The following FGF14 variants were observed in gnomAD, a reference collection of about 807,000 sequenced individuals.
FGF14 encodes the protein fibroblast growth factor 14, also known as fibroblast growth factor homologous factor 4.
A neutral mutation model predicts 25.5 loss-of-function variants in FGF14; 5 were observed. The observed-to-expected ratio is 0.20, with a 90% CI of 0.10 to 0.41. FGF14 has a LOEUF of 0.41. Among genes scored for constraint, FGF14 ranks in the 10% least tolerant of loss-of-function variants. The pLI is 1.00. For missense variants in FGF14, 222 were observed against 320.1 expected (o/e 0.69, Z 2.34); for synonymous variants, 138 against 118.3 (o/e 1.17, Z -1.08).
chr13:102,126,653 T>C (rs1319059398), intron 1 of FGF14, among the ~76,000 whole-genome samples: 1 of 152,224 alleles, frequency 6.6e-6, no homozygotes, highest in Non-Finnish European at 1.5e-5. Context: ...TTTTAAAACA[T>C]ATTTGCAACC....
chr13:101,853,790 C>A (rs1288670061), intron 3 of FGF14, among the ~76,000 whole-genome samples: 1 of 151,870 alleles, frequency 6.6e-6, no homozygotes, highest in Non-Finnish European at 1.5e-5. Flanking sequence ...CACATTATAG[C>A]CCTCACTACT....
At chr13:101,870,706 C>T (rs1483807515) in intron 2 of FGF14, among the ~76,000 whole-genome samples, 1 of 152,148 alleles carries the variant, frequency 6.6e-6, no homozygotes, top group African/African-American at 2.4e-5. Flanking sequence ...GTTATCCCAG[C>T]ACTTCGGGAA....
intron 2 of FGF14, among the ~76,000 whole-genome samples, chr13:101,872,319 T>A (rs2045142949): frequency 6.6e-6 from 1 of 151,622 alleles, no homozygotes; most frequent in African/African-American, 2.4e-5. Flanking sequence ...TGAATGATTA[T>A]TCATAAACAT....
At chr13:102,096,462 G>A (rs1374466335) in intron 1 of FGF14, among the ~76,000 whole-genome samples, 1 of 151,918 alleles carries the variant, frequency 6.6e-6, no homozygotes, top group Non-Finnish European at 1.5e-5. Context: ...TTTGGATAAT[G>A]GTTAAGAAAA....
intron 1 of FGF14, among the ~76,000 whole-genome samples, chr13:101,931,417 TTGATG>T (rs758013320): frequency 4.6e-5 from 7 of 152,202 alleles, no homozygotes; most frequent in Non-Finnish European, 7.3e-5. Flanking sequence ...AATACACATT[TTGATG>T]CTCTCTTTAG....
intron 1 of FGF14, among the ~76,000 whole-genome samples, chr13:102,171,057 T>C (rs935411968): frequency 6.6e-6 from 1 of 152,152 alleles, no homozygotes; most frequent in South Asian, 2.1e-4. Context: ...AATGAAACTA[T>C]AGGATAATAT....
chr13:101,864,843 C>G (rs887528041), intron 3 of FGF14, among the ~76,000 whole-genome samples: 7 of 152,026 alleles, frequency 4.6e-5, no homozygotes, highest in Admixed American at 4.6e-4. Context: ...TAAGGAATCT[C>G]TATGCATTTT....
At chr13:102,070,342 T>A (rs963902733) in intron 1 of FGF14, among the ~76,000 whole-genome samples, 6 of 152,272 alleles carry the variant, frequency 3.9e-5, no homozygotes, top group African/African-American at 1.4e-4. Context: ...ATCATCTCAC[T>A]CTAGTTAAAA....
chr13:102,357,026 T>G (rs1293632196), intron 1 of FGF14, among the ~76,000 whole-genome samples: 1 of 151,512 alleles, frequency 6.6e-6, no homozygotes, highest in East Asian at 1.9e-4. Flanking sequence ...TAAAAGAGAC[T>G]ATTGCTAGGA....
chr13:102,003,637 T>C (rs2039622825), intron 1 of FGF14, among the ~76,000 whole-genome samples: 1 of 151,776 alleles, frequency 6.6e-6, no homozygotes, highest in Admixed American at 6.6e-5. Context: ...TTGTTTGGTT[T>C]GCTTGTTTCT....
At chr13:102,165,600 G>A (rs1302632852) in intron 1 of FGF14, among the ~76,000 whole-genome samples, 1 of 142,406 alleles carries the variant, frequency 7.0e-6, no homozygotes, top group Non-Finnish European at 1.5e-5. Context: ...TCACTCATAG[G>A]TGGGAATTGA....
At chr13:102,137,163 A>T (rs987575902) in intron 1 of FGF14, among the ~76,000 whole-genome samples, 1 of 152,162 alleles carries the variant, frequency 6.6e-6, no homozygotes, top group Non-Finnish European at 1.5e-5. Context: ...ACTCTATAAA[A>T]ATCCCAACTT....
intron 1 of FGF14, among the ~76,000 whole-genome samples, chr13:102,008,988 G>C (rs1255539704): frequency 6.6e-6 from 1 of 151,802 alleles, no homozygotes; most frequent in African/African-American, 2.4e-5. Flanking sequence ...AAAAATGTAG[G>C]TCAACTTGAA....
At chr13:102,027,654 C>T (rs754407664) in intron 1 of FGF14, among the ~76,000 whole-genome samples, 4 of 152,058 alleles carry the variant, frequency 2.6e-5, no homozygotes, top group Non-Finnish European at 5.9e-5. Context: ...ATCTTATTTA[C>T]TAAGCTATCC....
intron 1 of FGF14, among the ~76,000 whole-genome samples, chr13:102,388,711 T>C (rs1442776155): frequency 6.6e-6 from 1 of 152,252 alleles, no homozygotes; most frequent in Non-Finnish European, 1.5e-5. Context: ...AAGGACATTT[T>C]CATTTTATTG....
At chr13:101,802,316 G>A in intron 3 of FGF14, 1 of 194,286 alleles carries the variant, frequency 5.1e-6, no homozygotes, top group Non-Finnish European at 1.1e-5. Context: ...GGTATGAGAA[G>A]GACGTTGCTG....
rs1373989474 is a variant in FGF14 at position 101,722,836 on chromosome 13, T to C, written c.739A>G (p.Thr247Ala). ...CAACACCTGTGAGGATCTGGCTATG[T>C]TGTCTTACTCTTGTTGACTGGTTTG... ...GGKPVNKSKT[T>A] Residue 247 changes from threonine to alanine, a missense_variant, in exon 5 of 5, where the codon ACA (threonine) becomes GCA (alanine). Physicochemically the swap from Thr to Ala is moderately conservative, Grantham distance 58. Around this residue, in one of 5 missense-constraint regions of FGF14, gnomAD observed 66 missense variants for 90.3 expected, o/e 0.73. Coordinates refer to ENST00000376143, the MANE Select transcript of FGF14 (RefSeq NM_004115.4). 1.2e-6 allele frequency: 2 copies of C among 1,613,268 alleles called. No individual in the cohort carries two copies. The highest frequency in any genetic ancestry group is 1.7e-6 in the Non-Finnish European group (2 of 1,179,492).
At chr13:101,832,469 C>A (rs1354747912) in intron 3 of FGF14, among the ~76,000 whole-genome samples, 1 of 152,008 alleles carries the variant, frequency 6.6e-6, no homozygotes, top group Non-Finnish European at 1.5e-5. Context: ...GAAGGAACGT[C>A]ATTAAATCTA....
chr13:101,858,054 ATTAT>A (rs1442404772), intron 3 of FGF14, among the ~76,000 whole-genome samples: 3 of 151,952 alleles, frequency 2.0e-5, no homozygotes, highest in African/African-American at 7.2e-5. Context: ...TCTAAAATAA[ATTAT>A]TTTTCTTATT....
Sources: gnomAD v4.1 joint callset for allele counts (sites outside exome capture counted in the v4.1 genomes callset) on GRCh38, gnomAD v4.1.1 for gene constraint, gnomAD v4.1.1 regional missense constraint, MANE v1.5 for transcripts, NCBI Gene and HGNC (gene_info 2026-07-23, HGNC 2026-07-21) for gene names.